Variants in CCSER1 observed in about 807,000 individuals in gnomAD.
CCSER1 encodes coiled-coil serine rich protein 1.
In CCSER1, 41 loss-of-function variants were observed where a neutral mutation model predicts 82.0. The observed-to-expected ratio is 0.50, with a 90% CI of 0.39 to 0.65. The LOEUF (loss-of-function observed/expected upper bound fraction) is 0.65, where lower values mean the gene tolerates loss of function less well. Among genes scored for constraint, CCSER1 ranks in the 30% least tolerant of loss-of-function variants. The probability of loss-of-function intolerance (pLI) is 0.00; values close to 1 mark genes in which losing one functional copy is unlikely to be tolerated. For missense variants in CCSER1, 1,119 were observed against 1,064.2 expected (o/e 1.05, Z -0.72); for synonymous variants, 414 against 383.9 (o/e 1.08, Z -0.92).
intron 1 of CCSER1, among the ~76,000 whole-genome samples, chr4:90,231,579 T>C (rs894997107): frequency 9.2e-5 from 13 of 141,582 alleles, no homozygotes; most frequent in Middle Eastern, 3.4e-3. Context: ...GGATGCCCTC[T>C]CTCACGACTC....
intron 7 of CCSER1, among the ~76,000 whole-genome samples, chr4:90,811,969 C>CATATAT (rs34117865): frequency 4.3e-4 from 57 of 131,788 alleles, no homozygotes; most frequent in African/African-American, 1.4e-3. Flanking sequence ...TATATATACA[C>CATATAT]ATATATATAT....
At chr4:90,767,869 T>TCA (rs1751483402) in intron 7 of CCSER1, among the ~76,000 whole-genome samples, 2 of 151,674 alleles carry the variant, frequency 1.3e-5, no homozygotes, top group African/African-American at 4.8e-5. Flanking sequence ...CCCAGGCTGG[T>TCA]GTCGAACTTC....
intron 10 of CCSER1, among the ~76,000 whole-genome samples, chr4:91,535,261 T>A (rs1454697941): frequency 1.3e-5 from 2 of 152,018 alleles, no homozygotes; most frequent in African/African-American, 4.8e-5. Flanking sequence ...TTTAGCCAAT[T>A]TATGACATTA....
At chr4:91,140,042 C>A (rs979597382) in intron 10 of CCSER1, among the ~76,000 whole-genome samples, 3 of 151,926 alleles carry the variant, frequency 2.0e-5, no homozygotes, top group African/African-American at 7.2e-5. Flanking sequence ...TATAGATGCA[C>A]AGAAATAATG....
At position 91,240,301 on chromosome 4, in the gene CCSER1, C is replaced by T. The variant is rs1477759078; in HGVS notation, c.2217+154307C>T. Among the ~76,000 whole-genome samples the T allele has an allele frequency of 1.5e-4, 10 of 64,646 alleles. 4 individuals are homozygous for T. The highest frequency in any genetic ancestry group is 2.7e-4 in the Non-Finnish European group (10 of 36,884). The allele number at this position is 64,646 out of a possible 152,430, so 42.4% of individuals were successfully genotyped here. ...CTGTGTTAGCCAGGATGGTCTCGAT[C>T]TTCTGACCACGTGATCCCCCCCACC... On this transcript the variant is annotated intron_variant, in intron 10 of 10. Transcript: ENST00000509176.
chr4:90,996,152 C>A (rs1737473939), intron 9 of CCSER1, among the ~76,000 whole-genome samples: 1 of 152,040 alleles, frequency 6.6e-6, no homozygotes, highest in South Asian at 2.1e-4. Context: ...CACTGATGAG[C>A]ACATGCACTA....
intron 8 of CCSER1, among the ~76,000 whole-genome samples, chr4:90,871,596 T>C (rs1381897070): frequency 1.3e-5 from 2 of 151,890 alleles, no homozygotes; most frequent in African/African-American, 4.8e-5. Flanking sequence ...CAGTCTATCA[T>C]TGAGAATTAT....
At chr4:90,656,923 A>C (rs1466432232) in intron 6 of CCSER1, among the ~76,000 whole-genome samples, 1 of 151,946 alleles carries the variant, frequency 6.6e-6, no homozygotes, top group East Asian at 1.9e-4. Flanking sequence ...AAAATACTTT[A>C]TTTATCTCTC....
chr4:90,860,909 TGAG>T (rs1014637316), intron 8 of CCSER1, among the ~76,000 whole-genome samples: 13 of 151,412 alleles, frequency 8.6e-5, no homozygotes, highest in African/African-American at 3.1e-4. Flanking sequence ...TTTTTTAAGG[TGAG>T]GAAAAATGTT....
chr4:90,576,014 T>C (rs1446657138), intron 5 of CCSER1, among the ~76,000 whole-genome samples: 1 of 152,112 alleles, frequency 6.6e-6, no homozygotes, highest in African/African-American at 2.4e-5. Flanking sequence ...ATCTCCGAAA[T>C]TTTGTTGTAT....
intron 1 of CCSER1, among the ~76,000 whole-genome samples, chr4:90,273,238 G>A (rs1001562028): frequency 1.3e-5 from 2 of 151,922 alleles, no homozygotes; most frequent in African/African-American, 4.8e-5. Context: ...GGGGTGGATG[G>A]GAAGATGGGA....
chr4:90,536,758 C>G lies in CCSER1; in HGVS notation c.1724+68404C>G, dbSNP rs375160391. Among the ~76,000 whole-genome samples, 12 of 152,278 alleles carry G rather than the reference C, an allele frequency of 7.9e-5. No individual in the cohort carries two copies. In the South Asian group the frequency reaches 2.5e-3, roughly 32 times the overall value. Reference sequence around the variant, plus strand: ...TTTAGTCTTTTCACTTAATCTTTTTCACCATTGTTTCTTTTTTGATGGAAT... The same window carrying G: ...TTTAGTCTTTTCACTTAATCTTTTTGACCATTGTTTCTTTTTTGATGGAAT... On this transcript the variant is annotated intron_variant, in intron 5 of 10. Transcript: ENST00000509176.
intron 8 of CCSER1, among the ~76,000 whole-genome samples, chr4:90,859,433 A>C (rs1382333305): frequency 1.3e-5 from 2 of 151,856 alleles, no homozygotes; most frequent in Non-Finnish European, 2.9e-5. Context: ...CTCTTTCTCT[A>C]GCGAAGCTTT....
At chr4:91,330,313 A>G (rs1259039233) in intron 10 of CCSER1, among the ~76,000 whole-genome samples, 1 of 152,194 alleles carries the variant, frequency 6.6e-6, no homozygotes, top group Non-Finnish European at 1.5e-5. Context: ...ATAGATTAAT[A>G]TTGAAAGGAA....
At chr4:91,516,800 T>C (rs1223366493) in intron 10 of CCSER1, among the ~76,000 whole-genome samples, 1 of 152,176 alleles carries the variant, frequency 6.6e-6, no homozygotes, top group Non-Finnish European at 1.5e-5. Flanking sequence ...GGGAGAAGTA[T>C]GGCCATTTTA....
At chr4:91,383,771 G>T (rs950867619) in intron 10 of CCSER1, among the ~76,000 whole-genome samples, 1 of 151,992 alleles carries the variant, frequency 6.6e-6, no homozygotes, top group Admixed American at 6.6e-5. Flanking sequence ...ATTAAGTGAA[G>T]AAAAAGGAAT....
chr4:90,886,179 T>C (rs1215177192), intron 8 of CCSER1, among the ~76,000 whole-genome samples: 2 of 152,170 alleles, frequency 1.3e-5, no homozygotes, highest in Admixed American at 6.6e-5. Flanking sequence ...TTTAAGTAAC[T>C]TAGTTGAAGC....
chr4:91,373,288 A>C (rs1359448623), intron 10 of CCSER1, among the ~76,000 whole-genome samples: 2 of 152,124 alleles, frequency 1.3e-5, no homozygotes, highest in African/African-American at 2.4e-5. Flanking sequence ...TGCACTTTGC[A>C]GATATTGCAC....
chr4:90,291,905 G>A (rs572036415), intron 1 of CCSER1, among the ~76,000 whole-genome samples: 19 of 151,936 alleles, frequency 1.3e-4, no homozygotes, highest in African/African-American at 4.3e-4. Context: ...CTATTAGAAT[G>A]TTATATTATG....
Sources: gnomAD v4.1 joint callset for allele counts (sites outside exome capture counted in the v4.1 genomes callset) on GRCh38, gnomAD v4.1.1 for gene constraint, MANE v1.5 for transcripts, NCBI Gene and HGNC (gene_info 2026-07-23, HGNC 2026-07-21) for gene names.